Variants in FAM13B observed in about 807,000 individuals in gnomAD.
FAM13B encodes the protein family with sequence similarity 13 member B, also known as protein FAM13B.
FAM13B carries 60 observed loss-of-function variants against 117.3 expected under a neutral mutation model. The observed-to-expected ratio is 0.51, with a 90% CI of 0.42 to 0.63. The LOEUF (loss-of-function observed/expected upper bound fraction) is 0.63. Among genes scored for constraint, FAM13B ranks in the 30% least tolerant of loss-of-function variants. The probability of loss-of-function intolerance (pLI) is 0.00; values close to 1 mark genes in which losing one functional copy is unlikely to be tolerated. For synonymous variants in FAM13B, 332 were observed against 356.1 expected (o/e 0.93, Z 0.76); for missense variants, 972 against 1,091.9 (o/e 0.89, Z 1.55).
At chr5:137,956,011 T>C (rs944452499) in intron 14 of FAM13B, among the ~76,000 whole-genome samples, 1 of 152,202 alleles carries the variant, frequency 6.6e-6, no homozygotes, top group Non-Finnish European at 1.5e-5. Context: ...CAAAGAGGGC[T>C]TGACAGTGTC....
In FAM13B at chr5:138,011,855, C is replaced by T; in HGVS notation, c.461G>A (p.Cys154Tyr). The T allele has an allele frequency of 1.2e-6, 2 of 1,605,242 alleles. No homozygotes were observed. The highest frequency in any genetic ancestry group is 2.2e-5 in the East Asian group (1 of 44,632). ...TGATGCTACATTGGCTAAAAATCTACACAGAAACTTTAACAAACTATAATT... is the reference window on the plus strand; with the variant it reads ...TGATGCTACATTGGCTAAAAATCTATACAGAAACTTTAACAAACTATAATT... ...PVNYSLLKFL[C>Y]RFLANVASHH... The change falls in exon 5 of 24, where the codon TGT becomes TAT. Residue 154 changes from cysteine (C) to tyrosine (Y), a missense_variant. Cys to Tyr is a radical substitution (Grantham distance 194, BLOSUM62 -2). Transcript: ENST00000689681.
intron 4 of FAM13B, among the ~76,000 whole-genome samples, chr5:138,015,948 A>C (rs1785163144): frequency 1.3e-5 from 2 of 152,266 alleles, no homozygotes; most frequent in Admixed American, 6.5e-5. Context: ...AAATAGAAGA[A>C]AACAGTGAAT....
rs971966471 is a variant in FAM13B at position 137,988,551 on chromosome 5, T to A, written c.849-236A>T. Among the ~76,000 whole-genome samples the A allele has an allele frequency of 2.6e-5, 4 of 152,170 alleles. No homozygotes were observed. In the East Asian group the frequency reaches 5.8e-4, roughly 22 times the overall value. ...AACGTATCACTAACAAGACCAAAAATTTTAAAGTTAGAATTCATTATGAGC... is the reference window on the plus strand; with the variant it reads ...AACGTATCACTAACAAGACCAAAAAATTTAAAGTTAGAATTCATTATGAGC... On this transcript the variant is annotated intron_variant, in intron 7 of 23. Transcript: ENST00000689681.
intron 7 of FAM13B, among the ~76,000 whole-genome samples, chr5:137,989,101 C>T (rs1299025150): frequency 6.6e-6 from 1 of 152,232 alleles, no homozygotes; most frequent in Admixed American, 6.5e-5. Context: ...TCACAGCCAA[C>T]ACTTAGCCAT....
chr5:138,030,053 A>C (rs1347665263), intron 1 of FAM13B, among the ~76,000 whole-genome samples: 1 of 152,162 alleles, frequency 6.6e-6, no homozygotes, highest in Admixed American at 6.5e-5. Context: ...TCAGCTTACC[A>C]CATTTTCCTC....
intron 7 of FAM13B, among the ~76,000 whole-genome samples, chr5:138,003,451 T>C (rs1418649505): frequency 6.6e-6 from 1 of 152,230 alleles, no homozygotes; most frequent in Non-Finnish European, 1.5e-5. Flanking sequence ...TTAATCTTTA[T>C]ACACTTTATC....
chr5:137,989,606 C>G (rs537120240), intron 7 of FAM13B, among the ~76,000 whole-genome samples: 8 of 152,086 alleles, frequency 5.3e-5, no homozygotes, highest in Non-Finnish European at 1.0e-4. Context: ...TGGAGGTTCA[C>G]TTGAAACCAG....
In FAM13B at chr5:137,985,239, A is replaced by G. The variant is rs1250857850; in HGVS notation, c.1179+18T>C. 1.2e-6 allele frequency: 2 copies of G among 1,610,434 alleles called. No homozygotes were observed. The highest frequency in any genetic ancestry group is 1.7e-6 in the Non-Finnish European group (2 of 1,178,664). On this transcript the variant is annotated intron_variant, in intron 10 of 23. Coordinates refer to ENST00000689681, the MANE Select transcript of FAM13B (RefSeq NM_001385994.1). ...AATCAAAGTTGTACATCTAACACAT[A>G]TTTTTGACATTCCTTACCTGGGTAT...
intron 1 of FAM13B, among the ~76,000 whole-genome samples, chr5:138,043,084 T>G (rs1791543983): frequency 6.6e-6 from 1 of 151,892 alleles, no homozygotes; most frequent in Non-Finnish European, 1.5e-5. Context: ...AGAGCCAGAC[T>G]CCATCTCAAA....
Position 137,943,151 on chromosome 5 carries a change from A to C in FAM13B, c.2406T>G (p.His802Gln). The change falls in exon 21 of 24, where the codon CAT becomes CAG. Residue 802 changes from histidine (H) to glutamine (Q), a missense_variant. By Grantham distance (24) the His-to-Gln change is conservative. Coordinates refer to ENST00000689681, the MANE Select transcript of FAM13B (RefSeq NM_001385994.1). ...LQPIIEGETAHFFEEIKEEEE... is the reference protein window; with the variant it reads ...LQPIIEGETAQFFEEIKEEEE... ...GGATTACCTTGATTTCTTCAAAAAA[A>C]TGTGCAGTTTCTCCTTCTATGATTG... 3 of 1,614,142 alleles carry C rather than the reference A, an allele frequency of 1.9e-6. No individual in the cohort carries two copies. Among genetic ancestry groups the C allele is most frequent in the East Asian group, 2.2e-5 (1 of 44,868 alleles).
chr5:137,989,082 A>C (rs2150613864), intron 7 of FAM13B, among the ~76,000 whole-genome samples: 1 of 152,364 alleles, frequency 6.6e-6, no homozygotes, highest in Middle Eastern at 3.4e-3. Context: ...TGTGTGCCTA[A>C]GCACATCATC....
chr5:137,998,386 C>A (rs11242407), intron 7 of FAM13B, among the ~76,000 whole-genome samples: 3 of 151,972 alleles, frequency 2.0e-5, no homozygotes, highest in Admixed American at 6.5e-5. Flanking sequence ...CATCTTACTC[C>A]TTGAGTACAT....
chr5:138,002,130 A>T (rs1781417822), intron 7 of FAM13B, among the ~76,000 whole-genome samples: 1 of 152,216 alleles, frequency 6.6e-6, no homozygotes, highest in African/African-American at 2.4e-5. Context: ...AAAACAACAG[A>T]CATGTTATAC....
At position 138,033,042 on chromosome 5, in the gene FAM13B, G is replaced by C; in HGVS notation, c.-463C>G. ...TGGCGACAGAGGCGGCGGCTGAGGT[G>C]CAGAGCCTCCCTAACGGCGAGCGGG... is the stretch of plus-strand genomic sequence containing the variant. On this transcript the variant is annotated 5_prime_UTR_variant, in exon 1 of 24. Transcript: ENST00000689681. 1 of 986,838 alleles carries C rather than the reference G, an allele frequency of 1.0e-6. No individual in the cohort carries two copies. The highest frequency in any genetic ancestry group is 1.2e-6 in the Non-Finnish European group (1 of 831,206). The allele number at this position is 986,838 out of a possible 1,614,324, so 61.1% of individuals were successfully genotyped here. A position where few individuals can be genotyped will look rare whatever the true frequency, so the allele number is the denominator to read the frequency against.
intron 14 of FAM13B, 169 bp from the exon 15 acceptor site, chr5:137,954,545 T>C: frequency 2.9e-6 from 1 of 340,454 alleles, no homozygotes; most frequent in Non-Finnish European, 5.2e-6. Context: ...TGTGTATATA[T>C]ATATATATAT....
Position 138,021,092 on chromosome 5 carries a change from C to G in FAM13B, c.-97G>C. On this transcript the variant is annotated 5_prime_UTR_variant, in exon 2 of 24. Coordinates refer to ENST00000689681, the MANE Select transcript of FAM13B (RefSeq NM_001385994.1). ...TTCTGCACCAGCTACCCTCACTGAGCAAGCATTCTTTTGTCATTTATGGCT... is the reference window on the plus strand; with the variant it reads ...TTCTGCACCAGCTACCCTCACTGAGGAAGCATTCTTTTGTCATTTATGGCT... 1 of 1,231,652 alleles carries G rather than the reference C, an allele frequency of 8.1e-7. No individual in the cohort carries two copies. The highest frequency in any genetic ancestry group is 1.0e-6 in the Non-Finnish European group (1 of 987,940). The allele number at this position is 1,231,652 out of a possible 1,614,324, so 76.3% of individuals were successfully genotyped here.
intron 10 of FAM13B, among the ~76,000 whole-genome samples, chr5:137,971,412 A>C (rs1260689576): frequency 6.6e-6 from 1 of 151,106 alleles, no homozygotes; most frequent in Non-Finnish European, 1.5e-5. Context: ...TTTGAAACCA[A>C]CGAGAACAAA....
upstream of FAM13B, among the ~76,000 whole-genome samples, chr5:138,035,184 A>T (rs909875076): frequency 6.6e-6 from 1 of 150,624 alleles, no homozygotes; most frequent in Non-Finnish European, 1.5e-5. Context: ...GGCTAATTTT[A>T]AAATTTTTTT....
chr5:137,990,332 T>C (rs1778308725), intron 7 of FAM13B, among the ~76,000 whole-genome samples: 1 of 152,230 alleles, frequency 6.6e-6, no homozygotes, highest in Non-Finnish European at 1.5e-5. Flanking sequence ...TGAACACTCT[T>C]AGCCATTTAA....
Sources: allele counts gnomAD v4.1 joint callset (sites outside exome capture counted in the v4.1 genomes callset), GRCh38; gene constraint gnomAD v4.1.1; transcripts MANE v1.5; gene names NCBI Gene and HGNC (gene_info 2026-07-23, HGNC 2026-07-21).